SETBP1: variants seen among roughly 807,000 people sequenced by gnomAD.
The protein encoded by SETBP1 is SET-binding protein.
In SETBP1, 9 loss-of-function variants were observed where a neutral mutation model predicts 101.0. That is an observed-to-expected ratio of 0.09 (90% CI 0.05 to 0.16). The LOEUF is 0.16. SETBP1 is among the 10% of genes least tolerant of loss of function. The probability of loss-of-function intolerance (pLI) is 1.00; values close to 1 mark genes in which losing one functional copy is unlikely to be tolerated. For synonymous variants in SETBP1, 818 were observed against 788.5 expected, an observed-to-expected ratio of 1.04 and a Z score of -0.63; for missense variants, 1,858 against 2,033.8, an observed-to-expected ratio of 0.91 and a Z score of 1.66.
intron 2 of SETBP1, among the ~76,000 whole-genome samples, chr18:44,806,788 C>T (rs186129785): frequency 3.3e-5 from 5 of 151,680 alleles, no homozygotes; most frequent in Admixed American, 2.0e-4. Flanking sequence ...CCTCCAACCT[C>T]GGCCTTTTAA....
At chr18:44,948,499 T>TGATTGATAGATAGATAGATAGATA (rs148315292) in intron 3 of SETBP1, among the ~76,000 whole-genome samples, 174 of 149,852 alleles carry the variant, frequency 1.2e-3, no homozygotes, top group African/African-American at 4.1e-3. Context: ...CAAAGATAGA[T>TGATTGATAGATAGATAGATAGATA]GATAGATAGA....
At chr18:45,021,626 T>C (rs2073070388) in intron 4 of SETBP1, among the ~76,000 whole-genome samples, 1 of 152,106 alleles carries the variant, frequency 6.6e-6, no homozygotes, top group Admixed American at 6.5e-5. Context: ...ATACAACTCA[T>C]AAAGAGAAGA....
At chr18:44,982,802 G>C (rs1404790596) in intron 4 of SETBP1, among the ~76,000 whole-genome samples, 3 of 152,144 alleles carry the variant, frequency 2.0e-5, no homozygotes, top group African/African-American at 7.2e-5. Context: ...TGACATCATG[G>C]GGGACACTCC....
At chr18:44,830,473 C>T (rs1399323819) in intron 2 of SETBP1, among the ~76,000 whole-genome samples, 1 of 152,186 alleles carries the variant, frequency 6.6e-6, no homozygotes, top group Non-Finnish European at 1.5e-5. Context: ...GGCAGCATCT[C>T]TAAAGGGAGA....
At chr18:44,767,154 G>C (rs1364896630) in intron 2 of SETBP1, among the ~76,000 whole-genome samples, 1 of 152,216 alleles carries the variant, frequency 6.6e-6, no homozygotes, top group Admixed American at 6.5e-5. Flanking sequence ...AGAGGAATGA[G>C]CTCCCACAGG....
chr18:45,059,899 A>G (rs889410429), intron 5 of SETBP1, among the ~76,000 whole-genome samples: 5 of 152,198 alleles, frequency 3.3e-5, no homozygotes, highest in Admixed American at 2.0e-4. Context: ...GTCATCCACC[A>G]AATCTTTGAC....
At chr18:44,856,027 G>A (rs570523981) in intron 2 of SETBP1, among the ~76,000 whole-genome samples, 2 of 151,534 alleles carry the variant, frequency 1.3e-5, no homozygotes, top group South Asian at 4.2e-4. Context: ...CAGTCATGGG[G>A]CCTAGAAGCT....
intron 1 of SETBP1, among the ~76,000 whole-genome samples, chr18:44,690,741 A>C (rs2068917001): frequency 6.6e-6 from 1 of 152,242 alleles, no homozygotes; most frequent in South Asian, 2.1e-4. Context: ...ATCAGTTAGT[A>C]AATCAGGGTT....
chr18:45,049,988 G>A (rs905643024), intron 5 of SETBP1, among the ~76,000 whole-genome samples: 8 of 152,170 alleles, frequency 5.3e-5, no homozygotes, highest in African/African-American at 1.9e-4. Flanking sequence ...AAATGAGGCA[G>A]CAGTTGCTTT....
chr18:44,783,945 C>T (rs1009524600), intron 2 of SETBP1, among the ~76,000 whole-genome samples: 2 of 152,190 alleles, frequency 1.3e-5, no homozygotes, highest in African/African-American at 4.8e-5. Context: ...AATAAGTCAT[C>T]TCAAGAAAAG....
intron 2 of SETBP1, among the ~76,000 whole-genome samples, chr18:44,806,198 A>G (rs1284025362): frequency 2.0e-5 from 3 of 152,222 alleles, no homozygotes; most frequent in African/African-American, 7.2e-5. Context: ...CCTAGGAGAA[A>G]GTAGAAAAAG....
At chr18:44,912,822 C>G (rs2070344356) in intron 3 of SETBP1, among the ~76,000 whole-genome samples, 1 of 152,152 alleles carries the variant, frequency 6.6e-6, no homozygotes, top group Non-Finnish European at 1.5e-5. Context: ...CTTTTCTGCT[C>G]TCTCCCTTCC....
intron 2 of SETBP1, among the ~76,000 whole-genome samples, chr18:44,867,030 G>T (rs531198863): frequency 2.2e-4 from 34 of 152,316 alleles, no homozygotes; most frequent in Admixed American, 4.6e-4. Context: ...AAAAGCATGA[G>T]CTTTGGGAAA....
At chr18:44,717,443 T>C (rs1337441055) in intron 2 of SETBP1, among the ~76,000 whole-genome samples, 1 of 152,218 alleles carries the variant, frequency 6.6e-6, no homozygotes, top group African/African-American at 2.4e-5. Flanking sequence ...TCTCAACAGA[T>C]TTAGGATGCT....
At chr18:44,742,281 C>T (rs1384182831) in intron 2 of SETBP1, among the ~76,000 whole-genome samples, 1 of 152,194 alleles carries the variant, frequency 6.6e-6, no homozygotes, top group Non-Finnish European at 1.5e-5. Context: ...CCCCGGTCTC[C>T]TGACTTTCAC....
intron 2 of SETBP1, among the ~76,000 whole-genome samples, chr18:44,820,764 G>A (rs1290727576): frequency 6.6e-6 from 1 of 152,184 alleles, no homozygotes; most frequent in Non-Finnish European, 1.5e-5. Flanking sequence ...TCCATGTCTA[G>A]CACAGTGCCT....
intron 5 of SETBP1, among the ~76,000 whole-genome samples, chr18:45,061,038 T>A (rs146047726): frequency 2.6e-5 from 4 of 152,228 alleles, no homozygotes. Context: ...ATGACTGATA[T>A]AAACTAAAGA....
intron 3 of SETBP1, among the ~76,000 whole-genome samples, chr18:44,901,889 C>G (rs961673766): frequency 6.6e-6 from 1 of 152,124 alleles, no homozygotes; most frequent in African/African-American, 2.4e-5. Flanking sequence ...TTCTTTCCCA[C>G]CAGTATATAT....
intron 4 of SETBP1, among the ~76,000 whole-genome samples, chr18:44,978,876 CG>C (rs2072050324): frequency 6.6e-6 from 1 of 152,056 alleles, no homozygotes; most frequent in African/African-American, 2.4e-5. Flanking sequence ...TTAATGATCC[CG>C]GATGTCTTAA....
Sources: allele counts gnomAD v4.1 joint callset (sites outside exome capture counted in the v4.1 genomes callset), GRCh38; gene constraint gnomAD v4.1.1; transcripts MANE v1.5; gene names NCBI Gene and HGNC (gene_info 2026-07-23, HGNC 2026-07-21).